BAZ1A: variants seen among roughly 807,000 people sequenced by gnomAD.
BAZ1A encodes the protein bromodomain adjacent to zinc finger domain protein 1A.
Under a neutral mutation model 185.2 loss-of-function variants are expected in BAZ1A, and 50 were observed. The ratio of observed to expected loss-of-function variants is 0.27; its 90% confidence interval spans 0.22 to 0.34. BAZ1A has a LOEUF of 0.34. Among genes scored for constraint, BAZ1A ranks in the 10% least tolerant of loss-of-function variants. The pLI is 1.00. For missense variants in BAZ1A, 1,356 were observed against 1,839.9 expected (o/e 0.74, Z 4.81); for synonymous variants, 571 against 615.6 (o/e 0.93, Z 1.07).
At chr14:34,809,052 T>C (rs1440132335) in intron 5 of BAZ1A, among the ~76,000 whole-genome samples, 3 of 152,192 alleles carry the variant, frequency 2.0e-5, no homozygotes, top group African/African-American at 7.2e-5. Flanking sequence ...AACAATACAG[T>C]ATAACAATGA....
chr14:34,799,193 T>C (rs916403847), intron 9 of BAZ1A, among the ~76,000 whole-genome samples: 4 of 127,838 alleles, frequency 3.1e-5, no homozygotes, highest in Non-Finnish European at 6.2e-5. Flanking sequence ...ATGAGAACAC[T>C]TGGACACAGG....
rs138863353 is a variant in BAZ1A at position 34,753,128 on chromosome 14, C to T, written c.*380G>A. 1.1e-3 allele frequency: 196 copies of T among 183,890 alleles called. 2 individuals are homozygous for T. Among genetic ancestry groups the T allele is most frequent in the African/African-American group, 4.3e-3 (184 of 42,330 alleles). 11.4% of individuals were successfully genotyped at this position (183,890 alleles called of 1,614,324 possible). A position where few individuals can be genotyped will look rare whatever the true frequency, so the allele number is the denominator to read the frequency against. The stretch of plus-strand genomic sequence containing the variant: ...ACACCTTTTCTAAACTGTGCTATAG[C>T]GGAAGACTCATCCATGTAGATAACT... On this transcript the variant is annotated 3_prime_UTR_variant, in exon 27 of 27. Transcript: ENST00000360310.
rs141911032 is a variant in BAZ1A at position 34,832,925 on chromosome 14, A to G, written c.393-6769T>C. On this transcript the variant is annotated intron_variant, in intron 3 of 26. Transcript: ENST00000360310. ...GTGGAATCAACCTAAGTGTCCATCA[A>G]CAGATGAATGGATAAGCAAACTGTG... Among the ~76,000 whole-genome samples, 562 of 152,360 alleles carry G rather than the reference A, an allele frequency of 3.7e-3. 1 individual carries two copies. The highest frequency in any genetic ancestry group is 5.8e-3 in the Admixed American group (89 of 15,298).
At chr14:34,779,919 G>A (rs979389376) in intron 17 of BAZ1A, among the ~76,000 whole-genome samples, 1 of 152,170 alleles carries the variant, frequency 6.6e-6, no homozygotes, top group Admixed American at 6.5e-5. Flanking sequence ...ATGAGAAACT[G>A]TCCTATTAAC....
Position 34,864,802 on chromosome 14 carries a change from G to A in BAZ1A, c.114-2480C>T, listed in dbSNP as rs1317603733. ...TTTTTTTTTTTTTTTTAAAGACAGA[G>A]TTCTCGCTCTGTCACCCAGGCTGGA... is the stretch of plus-strand genomic sequence containing the variant. On this transcript the variant is annotated intron_variant, in intron 2 of 26. Coordinates refer to ENST00000360310, the MANE Select transcript of BAZ1A (RefSeq NM_013448.3). Among the ~76,000 whole-genome samples, 13 of 127,514 alleles carry A rather than the reference G, an allele frequency of 1.0e-4. No homozygotes were observed. The East Asian group carries it at 2.1e-3, about 21-fold the overall frequency. 83.7% of individuals were successfully genotyped at this position (127,514 alleles called of 152,430 possible). A position where few individuals can be genotyped will look rare whatever the true frequency, so the allele number is the denominator to read the frequency against.
chr14:34,767,200 C>T (rs887836407), intron 21 of BAZ1A, among the ~76,000 whole-genome samples: 6 of 152,308 alleles, frequency 3.9e-5, no homozygotes, highest in African/African-American at 1.4e-4. Context: ...TATGTTAATA[C>T]AGTCTTTTCT....
At chr14:34,818,711 C>A (rs886230540) in intron 4 of BAZ1A, among the ~76,000 whole-genome samples, 1 of 152,174 alleles carries the variant, frequency 6.6e-6, no homozygotes, top group African/African-American at 2.4e-5. Flanking sequence ...ATTTGTCTTA[C>A]ATATCCACAC....
In BAZ1A at chr14:34,761,814, T is replaced by A; in HGVS notation, c.4186A>T (p.Lys1396Ter). ...GATTCACTCTCTTGGAGAGAAAGTT[T>A]TGAAGCAATATTTACAGATCTTGAC... ...EQSRSVNIAS[K>*]LSLQESESKR... Residue 1396 changes from lysine to a stop codon, truncating the protein, a stop_gained, in exon 24 of 27, where the codon AAA (lysine) becomes TAA (stop). Transcript: ENST00000360310. LOFTEE classifies it high-confidence loss of function. The A allele has an allele frequency of 6.2e-7, 1 of 1,614,222 alleles. No homozygotes were observed. The highest frequency in any genetic ancestry group is 1.7e-5 in the Admixed American group (1 of 60,022).
At chr14:34,856,109 T>C (rs2042672492) in intron 3 of BAZ1A, among the ~76,000 whole-genome samples, 1 of 152,056 alleles carries the variant, frequency 6.6e-6, no homozygotes, top group Admixed American at 6.6e-5. Flanking sequence ...AGCTAAACAC[T>C]GAGATATCAT....
chr14:34,793,015 T>C, intron 11 of BAZ1A, 94 bp from the exon 12 acceptor site: 2 of 1,120,544 alleles, frequency 1.8e-6, no homozygotes, highest in Non-Finnish European at 2.5e-6. Flanking sequence ...CAATAGTATG[T>C]GCAACTATTT....
intron 2 of BAZ1A, among the ~76,000 whole-genome samples, chr14:34,869,913 T>C (rs757358631): frequency 3.3e-5 from 5 of 152,158 alleles, no homozygotes; most frequent in African/African-American, 7.2e-5. Flanking sequence ...CTTTCTGAGG[T>C]TGAAAGACCA....
rs143801228 is a variant in BAZ1A at position 34,865,756 on chromosome 14, A to T, written c.114-3434T>A. 3.5e-3 allele frequency among the ~76,000 whole-genome samples: 540 copies of T among 152,348 alleles called. 5 individuals carry two copies. The highest frequency in any genetic ancestry group is 0.012 in the African/African-American group (510 of 41,578). ...AATCGGTGTATATCATCAAAAATAC[A>T]AAGTAAAAAGCAGTTATCCTTATAA... On this transcript the variant is annotated intron_variant, in intron 2 of 26. Coordinates refer to ENST00000360310, the MANE Select transcript of BAZ1A (RefSeq NM_013448.3).
At chr14:34,806,593 A>G (rs969269237) in intron 6 of BAZ1A, among the ~76,000 whole-genome samples, 1 of 152,076 alleles carries the variant, frequency 6.6e-6, no homozygotes, top group Non-Finnish European at 1.5e-5. Flanking sequence ...AATATTTTGC[A>G]TTTTAAAAAA....
chr14:34,806,148 C>A (rs1881845282), intron 6 of BAZ1A, among the ~76,000 whole-genome samples: 1 of 151,954 alleles, frequency 6.6e-6, no homozygotes, highest in South Asian at 2.1e-4. Context: ...CCTCTAGAGA[C>A]CTGAAATGTT....
intron 24 of BAZ1A, among the ~76,000 whole-genome samples, chr14:34,760,222 C>G (rs1344165171): frequency 6.6e-6 from 1 of 152,112 alleles, no homozygotes; most frequent in Non-Finnish European, 1.5e-5. Flanking sequence ...GTTTTTCTTC[C>G]TAGTTTTTTG....
chr14:34,755,212 T>C (rs1297091536), intron 25 of BAZ1A, among the ~76,000 whole-genome samples: 1 of 152,176 alleles, frequency 6.6e-6, no homozygotes, highest in African/African-American at 2.4e-5. Flanking sequence ...AAAATGTATG[T>C]AACAAAGTGT....
intron 17 of BAZ1A, among the ~76,000 whole-genome samples, chr14:34,777,292 A>G (rs1404832209): frequency 6.6e-6 from 1 of 152,240 alleles, no homozygotes. Context: ...TGAAATCTGA[A>G]TTTCATATAA....
intron 4 of BAZ1A, among the ~76,000 whole-genome samples, chr14:34,822,658 A>G (rs2042105399): frequency 6.6e-6 from 1 of 152,142 alleles, no homozygotes; most frequent in South Asian, 2.1e-4. Context: ...CAGCTTATTC[A>G]CTTTTCTCAT....
At position 34,758,830 on chromosome 14, in the gene BAZ1A, T is replaced by C. The variant is rs756893096; in HGVS notation, c.4260A>G (p.Thr1420=). Residue 1420 remains threonine (T), a synonymous_variant, in exon 25 of 27, where the codon ACA becomes ACG. Transcript: ENST00000360310. ...KRQSPEPSPV[T]LGRRSSGRQG... ...GTCGGCCAGAACTCCTTCGACCCAGTGTCACAGGCGATGGCTCTGAGTAAA... is the reference window on the plus strand; with the variant it reads ...GTCGGCCAGAACTCCTTCGACCCAGCGTCACAGGCGATGGCTCTGAGTAAA... 6.2e-7 allele frequency: 1 copy of C among 1,613,978 alleles called. No individual in the cohort carries two copies. The highest frequency in any genetic ancestry group is 8.5e-7 in the Non-Finnish European group (1 of 1,179,996).
Sources: allele counts gnomAD v4.1 joint callset (sites outside exome capture counted in the v4.1 genomes callset), GRCh38; gene constraint gnomAD v4.1.1; transcripts MANE v1.5; gene names NCBI Gene and HGNC (gene_info 2026-07-23, HGNC 2026-07-21).